Variants in NUDT3 observed in about 807,000 individuals in gnomAD.
NUDT3 encodes diphosphoinositol polyphosphate phosphohydrolase 1.
A neutral mutation model predicts 23.6 loss-of-function variants in NUDT3; 9 were observed. The ratio of observed to expected loss-of-function variants is 0.38; its 90% CI spans 0.23 to 0.66. The LOEUF is 0.66. NUDT3 is among the 30% of genes least tolerant of loss of function. NUDT3 has a pLI of 0.52. For synonymous variants in NUDT3, 86 were observed against 82.6 expected (o/e 1.04, Z -0.22); for missense variants, 172 against 218.5 (o/e 0.79, Z 1.34).
chr6:34,383,832 A>G (rs560862710), intron 1 of NUDT3, among the ~76,000 whole-genome samples: 5 of 152,322 alleles, frequency 3.3e-5, no homozygotes, highest in African/African-American at 1.2e-4. Context: ...GTAATGGAAG[A>G]CATGACTAAC....
At chr6:34,364,054 C>T (rs1206550636) in intron 1 of NUDT3, among the ~76,000 whole-genome samples, 1 of 152,196 alleles carries the variant, frequency 6.6e-6, no homozygotes, top group African/African-American at 2.4e-5. Flanking sequence ...CAGACTGTGT[C>T]AAGCTCTCAA....
intron 2 of NUDT3, among the ~76,000 whole-genome samples, chr6:34,335,064 A>T (rs1327783463): frequency 6.6e-6 from 1 of 152,260 alleles, no homozygotes; most frequent in Non-Finnish European, 1.5e-5. Flanking sequence ...AACAAGCAAC[A>T]TCAATAAAGC....
intron 2 of NUDT3, 69 bp from the exon 3 acceptor site, chr6:34,295,754 A>C: frequency 1.9e-6 from 3 of 1,588,754 alleles, no homozygotes; most frequent in Non-Finnish European, 2.6e-6. Context: ...GAGTCTTCTT[A>C]AGCAGTTTAT....
intron 2 of NUDT3, among the ~76,000 whole-genome samples, chr6:34,318,594 G>A (rs1030043251): frequency 2.6e-5 from 4 of 152,042 alleles, no homozygotes; most frequent in Non-Finnish European, 5.9e-5. Context: ...TTAAACTGCT[G>A]GATGGTAATA....
At chr6:34,351,376 G>C (rs1322180768) in intron 1 of NUDT3, among the ~76,000 whole-genome samples, 1 of 146,906 alleles carries the variant, frequency 6.8e-6, no homozygotes, top group Non-Finnish European at 1.5e-5. Context: ...AGGAGATTGA[G>C]ATTACAGTGA....
chr6:34,376,545 G>C (rs1764926272), intron 1 of NUDT3, among the ~76,000 whole-genome samples: 1 of 152,154 alleles, frequency 6.6e-6, no homozygotes, highest in Non-Finnish European at 1.5e-5. Flanking sequence ...CCAAAGTGCT[G>C]GGATTACAGG....
At chr6:34,318,667 T>C (rs1381348283) in intron 2 of NUDT3, among the ~76,000 whole-genome samples, 1 of 152,218 alleles carries the variant, frequency 6.6e-6, no homozygotes, top group Non-Finnish European at 1.5e-5. Context: ...TTAGACTGTT[T>C]CTAATTTTTT....
In NUDT3 at chr6:34,287,421, AAG is replaced by A. The variant is rs1401019493; in HGVS notation, c.*1330_*1331del. On this transcript the variant is annotated 3_prime_UTR_variant, in exon 5 of 5. Transcript: ENST00000607016. ...CCAGCACGAAACTGTATCAAAAAAC[AAG>A]AGAGTCTGCAGTGAGCCAGTGTATT... 2.0e-5 allele frequency: 3 copies of A among 152,338 alleles called. No individual in the cohort carries two copies. Among genetic ancestry groups the A allele is most frequent in the South Asian group, 2.1e-4 (1 of 4,830 alleles). 9.4% of individuals were successfully genotyped at this position (152,338 alleles called of 1,614,324 possible).
chr6:34,350,109 AAAG>A (rs1202692390), intron 1 of NUDT3, among the ~76,000 whole-genome samples: 3 of 150,858 alleles, frequency 2.0e-5, no homozygotes, highest in South Asian at 2.1e-4. Context: ...AAAAAAAAGA[AAAG>A]AAATTAGATT....
intron 2 of NUDT3, among the ~76,000 whole-genome samples, chr6:34,341,595 G>A (rs921476247): frequency 3.9e-5 from 6 of 152,174 alleles, no homozygotes; most frequent in African/African-American, 1.2e-4. Flanking sequence ...TTGTGCCACA[G>A]GTAACAGGCA....
At chr6:34,346,029 A>G (rs1388754477) in intron 1 of NUDT3, among the ~76,000 whole-genome samples, 3 of 151,786 alleles carry the variant, frequency 2.0e-5, no homozygotes, top group Non-Finnish European at 2.9e-5. Context: ...TTGGCCTCCC[A>G]AAGTGTTGGG....
intron 2 of NUDT3, among the ~76,000 whole-genome samples, chr6:34,310,268 G>A (rs1354706578): frequency 1.3e-5 from 2 of 151,750 alleles, no homozygotes; most frequent in East Asian, 1.9e-4. Flanking sequence ...GGTGGCTCAC[G>A]CCTGTAATCC....
rs1042614848 is a variant in NUDT3, at chr6:34,287,418, A to C, written c.*1335T>G. 1 of 152,216 alleles carries C rather than the reference A, an allele frequency of 6.6e-6. No homozygotes were observed. Among genetic ancestry groups the C allele is most frequent in the Admixed American group, 6.5e-5 (1 of 15,272 alleles). The allele number at this position is 152,216 out of a possible 1,614,324, so 9.4% of individuals were successfully genotyped here. A position where few individuals can be genotyped will look rare whatever the true frequency, so the allele number is the denominator to read the frequency against. Reference sequence around the variant, plus strand: ...AAGCCAGCACGAAACTGTATCAAAAAACAAGAGAGTCTGCAGTGAGCCAGT... The same window carrying C: ...AAGCCAGCACGAAACTGTATCAAAACACAAGAGAGTCTGCAGTGAGCCAGT... On this transcript the variant is annotated 3_prime_UTR_variant, in exon 5 of 5. Transcript: ENST00000607016.
intron 2 of NUDT3, among the ~76,000 whole-genome samples, chr6:34,328,437 T>C (rs1764075587): frequency 6.6e-6 from 1 of 152,370 alleles, no homozygotes; most frequent in Admixed American, 6.5e-5. Context: ...CATTTTTTTC[T>C]GATTATAAAA....
At chr6:34,345,030 A>T in intron 1 of NUDT3, among the ~76,000 whole-genome samples, 1 of 151,438 alleles carries the variant, frequency 6.6e-6, no homozygotes, top group Non-Finnish European at 1.5e-5. Context: ...TAGTTTTGCA[A>T]TCACAGTTTT....
chr6:34,285,981 C>G lies in NUDT3; in HGVS notation c.*2772G>C, dbSNP rs1196179367. 3 of 152,320 alleles carry G rather than the reference C, an allele frequency of 2.0e-5. No individual in the cohort carries two copies. Among genetic ancestry groups the G allele is most frequent in the East Asian group, 3.8e-4 (2 of 5,196 alleles). The allele number at this position is 152,320 out of a possible 1,614,324, so 9.4% of individuals were successfully genotyped here. Reference sequence around the variant, plus strand: ...CCAAAGACACCAACAACAATCAAAACTGCACTTTCAGGGTAGTATATTGTT... The same window carrying G: ...CCAAAGACACCAACAACAATCAAAAGTGCACTTTCAGGGTAGTATATTGTT... On this transcript the variant is annotated 3_prime_UTR_variant, in exon 5 of 5. Transcript: ENST00000607016.
chr6:34,328,077 T>C (rs926675504), intron 2 of NUDT3, among the ~76,000 whole-genome samples: 1 of 152,238 alleles, frequency 6.6e-6, no homozygotes, highest in African/African-American at 2.4e-5. Flanking sequence ...ATTTGTATGA[T>C]AACTATTCTT....
chr6:34,290,808 T>A (rs929989913), intron 4 of NUDT3, among the ~76,000 whole-genome samples: 7 of 149,996 alleles, frequency 4.7e-5, no homozygotes, highest in African/African-American at 1.7e-4. Flanking sequence ...ATTATTATTA[T>A]TATTGAGACA....
At chr6:34,335,174 A>C (rs568511319) in intron 2 of NUDT3, among the ~76,000 whole-genome samples, 2 of 152,314 alleles carry the variant, frequency 1.3e-5, no homozygotes, top group East Asian at 3.9e-4. Flanking sequence ...GAATGAAGTA[A>C]CCTTCATGTT....
Sources: gnomAD v4.1 joint callset for allele counts (sites outside exome capture counted in the v4.1 genomes callset) on GRCh38, gnomAD v4.1.1 for gene constraint, MANE v1.5 for transcripts, NCBI Gene and HGNC (gene_info 2026-07-23, HGNC 2026-07-21) for gene names.